The following SPAG16 variants were observed in gnomAD, a reference collection of about 807,000 sequenced individuals.
SPAG16 encodes the protein sperm-associated antigen 16 protein.
In SPAG16, 86 loss-of-function variants were observed where a neutral mutation model predicts 80.4. The ratio of observed to expected loss-of-function variants is 1.07; its 90% CI spans 0.90 to 1.28. The LOEUF (loss-of-function observed/expected upper bound fraction) is 1.28, where lower values mean the gene tolerates loss of function less well. SPAG16 is among the 50% of genes most tolerant of loss of function. The pLI, the probability that SPAG16 is intolerant of heterozygous loss-of-function variation, is 0.00. For synonymous variants in SPAG16, 294 were observed against 265.9 expected (o/e 1.11, Z -1.03); for missense variants, 870 against 765.3 (o/e 1.14, Z -1.61).
intron 6 of SPAG16, among the ~76,000 whole-genome samples, chr2:213,345,564 G>T (rs1216208627): frequency 7.1e-5 from 9 of 127,342 alleles, no homozygotes; most frequent in Admixed American, 1.7e-4. Context: ...TGTATAAGGT[G>T]TGAGGAAGGG....
At chr2:213,637,711 T>G (rs1296543154) in intron 10 of SPAG16, among the ~76,000 whole-genome samples, 2 of 152,136 alleles carry the variant, frequency 1.3e-5, no homozygotes, top group African/African-American at 4.8e-5. Flanking sequence ...TTCTCTGGGT[T>G]TTCTAGTTTG....
rs34523016 is a variant in SPAG16, at chr2:213,831,034, C to CTTTTTT, written c.1071-31433_1071-31428dup. On this transcript the variant is annotated intron_variant, in intron 10 of 15. Coordinates refer to ENST00000331683, the MANE Select transcript of SPAG16 (RefSeq NM_024532.5). ...TTTATTGTTGAAAAGTGAAACATGA[C>CTTTTTT]TTTTTTTTTTTTTTTTTTTTTTTGA... Among the ~76,000 whole-genome samples the CTTTTTT allele has an allele frequency of 3.1e-4, 25 of 80,810 alleles. 1 individual carries two copies. The highest frequency in any genetic ancestry group is 1.1e-3 in the East Asian group (3 of 2,782). The allele number at this position is 80,810 out of a possible 152,430, so 53.0% of individuals were successfully genotyped here. A position where few individuals can be genotyped will look rare whatever the true frequency, so the allele number is the denominator to read the frequency against.
intron 15 of SPAG16, among the ~76,000 whole-genome samples, chr2:214,160,929 A>G (rs1349466068): frequency 1.3e-5 from 2 of 152,204 alleles, no homozygotes; most frequent in Middle Eastern, 3.4e-3. Context: ...GGCATTCTGC[A>G]CTAAACATTT....
intron 15 of SPAG16, among the ~76,000 whole-genome samples, chr2:214,172,771 TG>T (rs1203038689): frequency 4.0e-4 from 61 of 152,180 alleles, no homozygotes; most frequent in African/African-American, 1.3e-3. Flanking sequence ...TGTTGTTTCC[TG>T]ACTTTTTAAT....
intron 15 of SPAG16, among the ~76,000 whole-genome samples, chr2:214,284,125 C>T (rs1331933657): frequency 6.6e-6 from 1 of 152,072 alleles, no homozygotes; most frequent in Admixed American, 6.6e-5. Flanking sequence ...TATATAGCAC[C>T]CCTCTTTTGG....
chr2:213,394,276 A>G (rs1281342178), intron 9 of SPAG16, among the ~76,000 whole-genome samples: 1 of 152,176 alleles, frequency 6.6e-6, no homozygotes, highest in African/African-American at 2.4e-5. Flanking sequence ...TATCTAAATC[A>G]AGAAATTAAC....
At chr2:213,565,084 G>C (rs116017400) in intron 10 of SPAG16, among the ~76,000 whole-genome samples, 1,811 of 152,234 alleles carry the variant, frequency 0.012, 29 homozygotes, top group African/African-American at 0.041. Flanking sequence ...AATAAGATGT[G>C]TCAGTGTTAC....
chr2:213,679,363 T>G (rs1327720422), intron 10 of SPAG16, among the ~76,000 whole-genome samples: 1 of 152,210 alleles, frequency 6.6e-6, no homozygotes, highest in Non-Finnish European at 1.5e-5. Context: ...TCTATTCTTT[T>G]GCAGTTTTGC....
chr2:213,918,103 A>G (rs1222102371), intron 11 of SPAG16, among the ~76,000 whole-genome samples: 1 of 152,232 alleles, frequency 6.6e-6, no homozygotes, highest in East Asian at 1.9e-4. Context: ...CCGAGCTTAC[A>G]TCCCAGGGAT....
At chr2:213,487,517 A>G (rs751198732) in intron 9 of SPAG16, among the ~76,000 whole-genome samples, 12 of 152,076 alleles carry the variant, frequency 7.9e-5, no homozygotes, top group Non-Finnish European at 8.8e-5. Context: ...GCTGGGTGAT[A>G]TAAGAAATCT....
At chr2:214,029,549 A>G (rs1364427160) in intron 13 of SPAG16, among the ~76,000 whole-genome samples, 2 of 152,102 alleles carry the variant, frequency 1.3e-5, no homozygotes, top group Admixed American at 1.3e-4. Context: ...TATGCAAAAG[A>G]TGACAATGGA....
chr2:214,295,450 G>A (rs1694067033), intron 15 of SPAG16, among the ~76,000 whole-genome samples: 1 of 151,992 alleles, frequency 6.6e-6, no homozygotes, highest in Admixed American at 6.6e-5. Flanking sequence ...TGGTACTCAA[G>A]GAATTTTGAA....
intron 9 of SPAG16, among the ~76,000 whole-genome samples, chr2:213,432,917 C>T (rs986316223): frequency 6.6e-6 from 1 of 152,076 alleles, no homozygotes; most frequent in Non-Finnish European, 1.5e-5. Flanking sequence ...TCAAGTGGTT[C>T]CCCCACTGCC....
At chr2:213,425,106 G>A (rs1178181601) in intron 9 of SPAG16, among the ~76,000 whole-genome samples, 2 of 148,258 alleles carry the variant, frequency 1.3e-5, no homozygotes, top group Non-Finnish European at 1.5e-5. Flanking sequence ...GGCGGATCAC[G>A]AGGTCAGGAG....
At chr2:214,049,899 A>G (rs2049548388) in intron 13 of SPAG16, among the ~76,000 whole-genome samples, 1 of 152,388 alleles carries the variant, frequency 6.6e-6, no homozygotes, top group Admixed American at 6.5e-5. Context: ...TCATTTGAAA[A>G]ATAAAAAAGA....
At chr2:213,762,151 G>A (rs994237159) in intron 10 of SPAG16, among the ~76,000 whole-genome samples, 1 of 152,178 alleles carries the variant, frequency 6.6e-6, no homozygotes, top group African/African-American at 2.4e-5. Flanking sequence ...AAAATGCTTA[G>A]AGTAGTCAAA....
At chr2:214,394,239 T>A (rs6706069) in intron 15 of SPAG16, among the ~76,000 whole-genome samples, 1 of 151,874 alleles carries the variant, frequency 6.6e-6, no homozygotes, top group Non-Finnish European at 1.5e-5. Context: ...TCAAGTAAGA[T>A]CTATACAGTG....
intron 3 of SPAG16, among the ~76,000 whole-genome samples, chr2:213,309,077 T>C (rs571283199): frequency 2.6e-3 from 397 of 152,268 alleles, no homozygotes; most frequent in Admixed American, 4.1e-3. Flanking sequence ...TGTTAAGTAC[T>C]TGCATGTGGA....
intron 10 of SPAG16, among the ~76,000 whole-genome samples, chr2:213,694,640 G>C (rs971745126): frequency 1.3e-5 from 2 of 152,086 alleles, no homozygotes; most frequent in African/African-American, 4.8e-5. Flanking sequence ...GGACATTGCT[G>C]TTACCAGGAA....
Sources: gnomAD v4.1 joint callset for allele counts (sites outside exome capture counted in the v4.1 genomes callset) on GRCh38, gnomAD v4.1.1 for gene constraint, MANE v1.5 for transcripts, NCBI Gene and HGNC (gene_info 2026-07-23, HGNC 2026-07-21) for gene names.